GRIA3: variants seen among roughly 807,000 people sequenced by gnomAD.
GRIA3 encodes the protein glutamate ionotropic receptor AMPA type subunit 3, also known as glutamate receptor 3.
Under a neutral mutation model 63.0 loss-of-function variants are expected in GRIA3, and 3 were observed. The ratio of observed to expected loss-of-function variants is 0.05; its 90% CI spans 0.02 to 0.12. GRIA3 has a LOEUF of 0.12. Among genes scored for constraint, GRIA3 ranks in the 10% least tolerant of loss-of-function variants. GRIA3 has a pLI of 1.00. For missense variants in GRIA3, 347 were observed against 700.9 expected, an observed-to-expected ratio of 0.50 and a Z score of 5.70; for synonymous variants, 274 against 257.9, an observed-to-expected ratio of 1.06 and a Z score of -0.60.
intron 2 of GRIA3, among the ~76,000 whole-genome samples, chrX:123,187,488 C>A (rs916683004): frequency 8.0e-5 from 9 of 112,059 alleles, no homozygotes; most frequent in African/African-American, 2.9e-4. Flanking sequence ...GTAATCCCAG[C>A]CTGTCTCCAC....
At chrX:123,391,095 C>T (rs953506221) in intron 5 of GRIA3, among the ~76,000 whole-genome samples, 3 of 111,557 alleles carry the variant, frequency 2.7e-5, no homozygotes, top group Admixed American at 9.5e-5. Flanking sequence ...TTGTATCTCA[C>T]TAAACTTCTT....
rs1479037622 is a variant in GRIA3, at chrX:123,490,877, G to A, written c.*2167G>A. On this transcript the variant is annotated 3_prime_UTR_variant, in exon 16 of 16. Coordinates refer to ENST00000620443, the MANE Select transcript of GRIA3 (RefSeq NM_007325.5). ...TCATTGCCATGAGGTATTGTACAAA[G>A]TTTTAATACATTTTGTAAATAAAAT... The A allele has an allele frequency of 8.9e-6, 1 of 112,575 alleles. No homozygotes were observed. Among genetic ancestry groups the A allele is most frequent in the East Asian group, 2.8e-4 (1 of 3,609 alleles). 9.3% of individuals were successfully genotyped at this position (112,575 alleles called of 1,213,427 possible).
At chrX:123,375,213 A>G (rs1399443598) in intron 5 of GRIA3, among the ~76,000 whole-genome samples, 1 of 111,828 alleles carries the variant, frequency 8.9e-6, no homozygotes, top group East Asian at 2.8e-4. Flanking sequence ...TTTGTCCTTC[A>G]TCGTGTTGAT....
chrX:123,210,657 A>G (rs150272787), intron 2 of GRIA3, among the ~76,000 whole-genome samples: 2,690 of 111,579 alleles, frequency 0.024, 88 homozygotes, highest in African/African-American at 0.082. Flanking sequence ...TGACTTTAAC[A>G]TGTTATCATG....
At chrX:123,484,261 C>A (rs185438494) in intron 15 of GRIA3, among the ~76,000 whole-genome samples, 1 of 112,170 alleles carries the variant, frequency 8.9e-6, no homozygotes, top group East Asian at 2.8e-4. Context: ...CCATTCTGGA[C>A]GTGTTTAAAA....
At chrX:123,258,187 T>C (rs1361468880) in intron 3 of GRIA3, among the ~76,000 whole-genome samples, 1 of 112,391 alleles carries the variant, frequency 8.9e-6, no homozygotes, top group African/African-American at 3.2e-5. Flanking sequence ...CTTCTACACC[T>C]TCATAAAAAC....
intron 10 of GRIA3, 120 bp downstream of exon 10, chrX:123,405,034 A>G: frequency 3.5e-6 from 2 of 575,173 alleles, no homozygotes; most frequent in Non-Finnish European, 3.0e-6. Context: ...ATAGTCTACA[A>G]GAAAAATATA....
At chrX:123,356,522 G>GA (rs915108021) in intron 5 of GRIA3, among the ~76,000 whole-genome samples, 1 of 111,462 alleles carries the variant, frequency 9.0e-6, no homozygotes, top group Non-Finnish European at 1.9e-5. Flanking sequence ...CTATGTATTA[G>GA]AAAAATATAA....
At chrX:123,441,899 G>C (rs2045676324) in intron 12 of GRIA3, among the ~76,000 whole-genome samples, 2 of 112,031 alleles carry the variant, frequency 1.8e-5, no homozygotes, top group African/African-American at 6.5e-5. Flanking sequence ...ATGAAAGTCA[G>C]AGAGAATAAA....
chrX:123,473,118 C>A (rs763250705), intron 13 of GRIA3, among the ~76,000 whole-genome samples: 1 of 111,991 alleles, frequency 8.9e-6, no homozygotes, highest in Non-Finnish European at 1.9e-5. Context: ...CATGCTCCCA[C>A]GTTGTACAGA....
chrX:123,233,233 C>T (rs932576869), intron 2 of GRIA3, among the ~76,000 whole-genome samples: 1 of 111,669 alleles, frequency 9.0e-6, no homozygotes, highest in African/African-American at 3.3e-5. Flanking sequence ...GTCTTCACTA[C>T]CATTCCCAGG....
Position 123,465,931 on chromosome X carries a change from C to T in GRIA3, c.2324+819C>T, listed in dbSNP as rs745983422. 1.2e-4 allele frequency: 65 copies of T among 532,121 alleles called. No homozygotes were observed. In the African/African-American group the frequency reaches 1.3e-3, roughly 11 times the overall value. The allele number at this position is 532,121 out of a possible 1,213,427, so 43.9% of individuals were successfully genotyped here. The stretch of plus-strand genomic sequence containing the variant: ...TTCCCCTGCCTGGCAGCTTTGGGAA[C>T]CAAAAAGACTTTAGGGCACTGCCCA... On this transcript the variant is annotated intron_variant, in intron 13 of 15. Transcript: ENST00000620443.
At chrX:123,217,819 T>A (rs956718012) in intron 2 of GRIA3, among the ~76,000 whole-genome samples, 12 of 112,097 alleles carry the variant, frequency 1.1e-4, no homozygotes, top group Non-Finnish European at 1.3e-4. Flanking sequence ...TACCTCTCTC[T>A]CTCCTTGTTA....
intron 2 of GRIA3, among the ~76,000 whole-genome samples, chrX:123,191,924 G>C (rs1267476514): frequency 9.0e-6 from 1 of 111,214 alleles, no homozygotes; most frequent in Non-Finnish European, 1.9e-5. Context: ...GGGACTATGG[G>C]AAACATACTG....
chrX:123,335,575 G>A (rs367728047), intron 4 of GRIA3, among the ~76,000 whole-genome samples: 14 of 111,521 alleles, frequency 1.3e-4, no homozygotes, highest in South Asian at 3.8e-4. Flanking sequence ...CTTTAATGCC[G>A]CATTTTAGCA....
At chrX:123,376,888 C>T (rs1201163142) in intron 5 of GRIA3, among the ~76,000 whole-genome samples, 1 of 88,524 alleles carries the variant, frequency 1.1e-5, no homozygotes, top group Admixed American at 1.2e-4. Context: ...AACTTTGTCT[C>T]CTAATATTCC....
At chrX:123,417,932 TC>T in intron 11 of GRIA3, 154 bp downstream of exon 11, 1 of 543,639 alleles carries the variant, frequency 1.8e-6, no homozygotes, top group Non-Finnish European at 3.2e-6. Flanking sequence ...TTTGCTTATG[TC>T]CATGAAGTGA....
chrX:123,422,686 C>T (rs2045569492), intron 11 of GRIA3, among the ~76,000 whole-genome samples: 1 of 112,434 alleles, frequency 8.9e-6, no homozygotes, highest in African/African-American at 3.2e-5. Flanking sequence ...ATAAAAAGCA[C>T]AGTGCCTAGC....
chrX:123,208,685 T>C (rs1019643332), intron 2 of GRIA3, among the ~76,000 whole-genome samples: 1 of 112,063 alleles, frequency 8.9e-6, no homozygotes, highest in Non-Finnish European at 1.9e-5. Flanking sequence ...ACCTTAAAGG[T>C]CATCTTTTCC....
Sources: allele counts gnomAD v4.1 joint callset (sites outside exome capture counted in the v4.1 genomes callset), GRCh38; gene constraint gnomAD v4.1.1; transcripts MANE v1.5; gene names NCBI Gene and HGNC (gene_info 2026-07-23, HGNC 2026-07-21).